The following SNAP25 variants were observed in gnomAD, a reference collection of about 807,000 sequenced individuals.
The protein encoded by SNAP25 is synaptosomal-associated protein 25.
A neutral mutation model predicts 28.7 loss-of-function variants in SNAP25; 3 were observed. The ratio of observed to expected loss-of-function variants is 0.10; its 90% CI spans 0.05 to 0.27. The LOEUF is 0.27. Among genes scored for constraint, SNAP25 ranks in the 10% least tolerant of loss-of-function variants. The pLI, the probability that SNAP25 is intolerant of heterozygous loss-of-function variation, is 1.00. For missense variants in SNAP25, 117 were observed against 278.7 expected, an observed-to-expected ratio of 0.42 and a Z score of 4.13; for synonymous variants, 61 against 88.1, an observed-to-expected ratio of 0.69 and a Z score of 1.72.
At chr20:10,304,027 T>G (rs2064299024) in intron 7 of SNAP25, among the ~76,000 whole-genome samples, 1 of 152,196 alleles carries the variant, frequency 6.6e-6, no homozygotes, top group Non-Finnish European at 1.5e-5. Context: ...AATTGCAAGA[T>G]AAACTAATGA....
At chr20:10,243,373 G>A (rs1298963940) in intron 1 of SNAP25, among the ~76,000 whole-genome samples, 3 of 151,948 alleles carry the variant, frequency 2.0e-5, no homozygotes, top group Non-Finnish European at 2.9e-5. Flanking sequence ...ACTATTAATC[G>A]ACCTCCAGAC....
chr20:10,267,834 G>A (rs1041486110), intron 1 of SNAP25, among the ~76,000 whole-genome samples: 2 of 152,182 alleles, frequency 1.3e-5, no homozygotes, highest in African/African-American at 2.4e-5. Context: ...ATAGGCATAA[G>A]CCACCGTGCC....
chr20:10,263,086 T>G (rs2063447574), intron 1 of SNAP25, among the ~76,000 whole-genome samples: 2 of 132,762 alleles, frequency 1.5e-5, no homozygotes, highest in African/African-American at 5.6e-5. Flanking sequence ...TGGCGCAGTC[T>G]CAGCTCACTG....
At chr20:10,299,523 C>A in intron 7 of SNAP25, 111 bp downstream of exon 7, 1 of 1,054,218 alleles carries the variant, frequency 9.5e-7, no homozygotes, top group Non-Finnish European at 1.3e-6. Flanking sequence ...GATTCAGGCG[C>A]ACTGATAGCT....
chr20:10,229,603 C>G (rs761529072), intron 1 of SNAP25, among the ~76,000 whole-genome samples: 4 of 152,100 alleles, frequency 2.6e-5, no homozygotes, highest in Admixed American at 6.6e-5. Context: ...ACTCTACAGA[C>G]AGGAGAGCTT....
intron 1 of SNAP25, among the ~76,000 whole-genome samples, chr20:10,232,313 T>C (rs1241619002): frequency 6.6e-6 from 1 of 152,228 alleles, no homozygotes; most frequent in Non-Finnish European, 1.5e-5. Context: ...GGCCAAGTGC[T>C]CAATCAATTG....
At chr20:10,238,432 C>A (rs932089505) in intron 1 of SNAP25, among the ~76,000 whole-genome samples, 1 of 151,992 alleles carries the variant, frequency 6.6e-6, no homozygotes, top group Non-Finnish European at 1.5e-5. Context: ...AGCCTGGCAG[C>A]GAGGGAGTGG....
At chr20:10,241,758 T>C (rs558490116) in intron 1 of SNAP25, among the ~76,000 whole-genome samples, 2 of 152,268 alleles carry the variant, frequency 1.3e-5, no homozygotes, top group African/African-American at 4.8e-5. Context: ...AATAGGCTGA[T>C]GCTGTTGGAG....
chr20:10,237,538 C>A (rs2062945278), intron 1 of SNAP25, among the ~76,000 whole-genome samples: 2 of 152,192 alleles, frequency 1.3e-5, no homozygotes, highest in African/African-American at 4.8e-5. Context: ...CCAAGTATCA[C>A]AATGGCTGTC....
intron 6 of SNAP25, among the ~76,000 whole-genome samples, chr20:10,297,693 C>A (rs1568627616): frequency 6.6e-6 from 1 of 152,192 alleles, no homozygotes; most frequent in African/African-American, 2.4e-5. Flanking sequence ...CCAAAGCTAA[C>A]AGGGAGTGAA....
chr20:10,290,220 T>G (rs181114231), intron 4 of SNAP25, among the ~76,000 whole-genome samples: 87 of 152,282 alleles, frequency 5.7e-4, no homozygotes, highest in Non-Finnish European at 1.1e-3. Flanking sequence ...TCCACAAACA[T>G]AACTCAGTAC....
chr20:10,301,520 A>G (rs2064235155), intron 7 of SNAP25, among the ~76,000 whole-genome samples: 1 of 152,050 alleles, frequency 6.6e-6, no homozygotes, highest in Non-Finnish European at 1.5e-5. Context: ...ATAGATTTCC[A>G]CCTTCTCATT....
chr20:10,292,798 T>A, intron 4 of SNAP25: 2 of 840,972 alleles, frequency 2.4e-6, no homozygotes, highest in Non-Finnish European at 3.8e-6. Flanking sequence ...TCTTTCAAAT[T>A]CTGTTTCACA....
At chr20:10,294,229 C>A (rs1276192935) in intron 5 of SNAP25, among the ~76,000 whole-genome samples, 1 of 152,128 alleles carries the variant, frequency 6.6e-6, no homozygotes, top group African/African-American at 2.4e-5. Context: ...CTGATCCTAG[C>A]TTTTAGAATA....
chr20:10,229,115 C>A, intron 1 of SNAP25, among the ~76,000 whole-genome samples: 1 of 152,010 alleles, frequency 6.6e-6, no homozygotes, highest in East Asian at 1.9e-4. Context: ...TTTAAAGATG[C>A]TTGAGGAGTT....
intron 1 of SNAP25, among the ~76,000 whole-genome samples, chr20:10,243,806 C>T (rs2063078115): frequency 6.6e-6 from 1 of 152,204 alleles, no homozygotes; most frequent in Admixed American, 6.5e-5. Context: ...TTCCCTTTCC[C>T]TATTCTAATC....
intron 1 of SNAP25, among the ~76,000 whole-genome samples, chr20:10,268,290 G>A (rs2063537477): frequency 6.6e-6 from 1 of 152,178 alleles, no homozygotes; most frequent in Non-Finnish European, 1.5e-5. Flanking sequence ...AGGAAGAGAA[G>A]GATCCATCCT....
chr20:10,249,492 T>C (rs1034343488), intron 1 of SNAP25, among the ~76,000 whole-genome samples: 1 of 152,142 alleles, frequency 6.6e-6, no homozygotes, highest in Non-Finnish European at 1.5e-5. Flanking sequence ...GCAAAGAGAC[T>C]GGTATTATTT....
At chr20:10,272,675 T>C (rs1361940900) in intron 1 of SNAP25, among the ~76,000 whole-genome samples, 1 of 152,232 alleles carries the variant, frequency 6.6e-6, no homozygotes, top group African/African-American at 2.4e-5. Context: ...CATGTTCTAG[T>C]GGCCAGAACA....
Sources: allele counts gnomAD v4.1 joint callset (sites outside exome capture counted in the v4.1 genomes callset), GRCh38; gene constraint gnomAD v4.1.1; transcripts MANE v1.5; gene names NCBI Gene and HGNC (gene_info 2026-07-23, HGNC 2026-07-21).